The following MYOT variants were observed in gnomAD, a reference collection of about 807,000 sequenced individuals.
MYOT encodes the protein myotilin.
MYOT carries 36 observed loss-of-function variants against 58.0 expected under a neutral mutation model. The observed-to-expected ratio is 0.62, with a 90% CI of 0.48 to 0.82. MYOT has a LOEUF of 0.82. Ranked by LOEUF, MYOT falls within the 40% of genes least tolerant of loss-of-function variation. The pLI is 0.00. For synonymous variants in MYOT, 218 were observed against 204.6 expected (o/e 1.07, Z -0.56); for missense variants, 505 against 592.1 (o/e 0.85, Z 1.53).
chr5:137,885,704 G>A (rs373735332), intron 7 of MYOT, among the ~76,000 whole-genome samples: 24 of 148,726 alleles, frequency 1.6e-4, no homozygotes, highest in Admixed American at 4.1e-4. Context: ...CCTGGGAGGC[G>A]GAGGTTGCAG....
chr5:137,870,340 G>T (rs1755007219), intron 1 of MYOT, 101 bp from the exon 2 acceptor site: 3 of 418,226 alleles, frequency 7.2e-6, no homozygotes, highest in African/African-American at 2.1e-5. Flanking sequence ...AGGAAGGAAG[G>T]AAAGAAAGGA....
intron 2 of MYOT, among the ~76,000 whole-genome samples, chr5:137,871,493 G>C (rs1755048775): frequency 6.6e-6 from 1 of 151,954 alleles, no homozygotes; most frequent in African/African-American, 2.4e-5. Flanking sequence ...CTCTAATCCT[G>C]AATATCCACT....
chr5:137,872,287 G>C (rs916955037), intron 2 of MYOT, among the ~76,000 whole-genome samples: 1 of 151,810 alleles, frequency 6.6e-6, no homozygotes, highest in Non-Finnish European at 1.5e-5. Flanking sequence ...ATAATATATA[G>C]ATCTTTCTTG....
At chr5:137,877,381 A>T (rs1008211889) in intron 3 of MYOT, 139 bp from the exon 4 acceptor site, 3 of 562,166 alleles carry the variant, frequency 5.3e-6, no homozygotes. Context: ...AAAAAAAAAA[A>T]AAAAAAAAAA....
intron 7 of MYOT, among the ~76,000 whole-genome samples, chr5:137,884,392 T>C (rs1027239752): frequency 4.6e-5 from 7 of 152,168 alleles, no homozygotes; most frequent in African/African-American, 1.7e-4. Flanking sequence ...ATATCAACTT[T>C]TAGCCTTAGA....
chr5:137,886,988 G>A lies in MYOT; in HGVS notation c.1315G>A (p.Asp439Asn). ...AGVTTCNTRL[D>N]VTARPNQTLP... ...AGTGACTACATGTAACACAAGATTAGACGTTACGGGTATGTCATACTATTA... is the reference window on the plus strand; with the variant it reads ...AGTGACTACATGTAACACAAGATTAAACGTTACGGGTATGTCATACTATTA... Residue 439 changes from aspartate to asparagine, a missense_variant, in exon 9 of 10, where the codon GAC (aspartate) becomes AAC (asparagine). By Grantham distance (23) the Asp-to-Asn change is conservative (BLOSUM62 1). Coordinates refer to ENST00000239926, the MANE Select transcript of MYOT (RefSeq NM_006790.3). 1 of 1,613,448 alleles carries A rather than the reference G, an allele frequency of 6.2e-7. No homozygotes were observed. Among genetic ancestry groups the A allele is most frequent in the Non-Finnish European group, 8.5e-7 (1 of 1,179,386 alleles).
chr5:137,875,954 T>TGGAAAGAAAGCTGAAATGCAA lies in MYOT; in HGVS notation c.486_506dup (p.Glu162_Lys168dup). On this transcript the variant is annotated inframe_insertion, in exon 3 of 10. Coordinates refer to ENST00000239926, the MANE Select transcript of MYOT (RefSeq NM_006790.3). ...TCAAAAGAAGCTTTGATTCAAGATT[T>TGGAAAGAAAGCTGAAATGCAA]GGAAAGAAAGCTGAAATGCAAGGAC... is the stretch of plus-strand genomic sequence containing the variant. 2 of 1,614,078 alleles carry TGGAAAGAAAGCTGAAATGCAA rather than the reference T, an allele frequency of 1.2e-6. No homozygotes were observed. The highest frequency in any genetic ancestry group is 1.7e-6 in the Non-Finnish European group (2 of 1,179,988).
intron 5 of MYOT, among the ~76,000 whole-genome samples, chr5:137,881,567 G>C (rs886541649): frequency 6.6e-6 from 1 of 152,096 alleles, no homozygotes; most frequent in Admixed American, 6.5e-5. Flanking sequence ...GGGAGGCTGA[G>C]GTAAGAGAAT....
At chr5:137,874,039 T>A (rs1755131374) in intron 2 of MYOT, among the ~76,000 whole-genome samples, 1 of 152,170 alleles carries the variant, frequency 6.6e-6, no homozygotes, top group Non-Finnish European at 1.5e-5. Context: ...CTTGAGAATA[T>A]TTGGAAAGGA....
intron 1 of MYOT, 79 bp downstream of exon 1, chr5:137,868,032 G>C (rs1244561302): frequency 6.6e-6 from 1 of 151,860 alleles, no homozygotes; most frequent in Admixed American, 6.6e-5. Flanking sequence ...TGTATACAAA[G>C]ATGATTTTCA....
chr5:137,875,782 A>G, intron 2 of MYOT, 47 bp from the exon 3 acceptor site: 1 of 1,596,484 alleles, frequency 6.3e-7, no homozygotes, highest in Non-Finnish European at 8.6e-7. Flanking sequence ...TTGCAAAATG[A>G]GGCCAAGACC....
In MYOT at chr5:137,880,790, C is replaced by A. The variant is rs1266569886; in HGVS notation, c.634-26C>A. 12 of 1,590,298 alleles carry A rather than the reference C, an allele frequency of 7.5e-6. No individual in the cohort carries two copies. In the Admixed American group the frequency reaches 2.0e-4, roughly 27 times the overall value. On this transcript the variant is annotated intron_variant, in intron 4 of 9. Coordinates refer to ENST00000239926, the MANE Select transcript of MYOT (RefSeq NM_006790.3). Reference sequence around the variant, plus strand: ...ATTCAAGCTAACAATTGCATGTAAACATTCTTACTTTGTTTTAATTTCAAG... The same window carrying A: ...ATTCAAGCTAACAATTGCATGTAAAAATTCTTACTTTGTTTTAATTTCAAG...
intron 8 of MYOT, 70 bp downstream of exon 8, chr5:137,886,283 T>G: frequency 8.8e-7 from 1 of 1,141,412 alleles, no homozygotes; most frequent in Non-Finnish European, 1.3e-6. Context: ...TAACATGCAT[T>G]ATAAATGGCA....
rs915451656 is a variant in MYOT at position 137,883,425 on chromosome 5, T to C, written c.858T>C (p.Asn286=). ...CTCCTGATGTGTCATGGTATCTAAATGGAAGAACAGTTCAATCAGATGATT... is the reference window on the plus strand; with the variant it reads ...CTCCTGATGTGTCATGGTATCTAAACGGAAGAACAGTTCAATCAGATGATT... ...LPAPDVSWYL[N]GRTVQSDDLH... Residue 286 remains asparagine (N), a synonymous_variant, in exon 7 of 10, where the codon AAT becomes AAC. Transcript: ENST00000239926. The C allele has an allele frequency of 4.3e-6, 7 of 1,614,026 alleles. No homozygotes were observed. The highest frequency in any genetic ancestry group is 5.9e-6 in the Non-Finnish European group (7 of 1,180,040).
At chr5:137,879,924 G>C (rs1356479773) in intron 4 of MYOT, among the ~76,000 whole-genome samples, 2 of 152,140 alleles carry the variant, frequency 1.3e-5, no homozygotes, top group Admixed American at 6.5e-5. Flanking sequence ...TTGATATTTT[G>C]CTTAGAGAAC....
intron 2 of MYOT, among the ~76,000 whole-genome samples, chr5:137,872,115 G>C (rs1755069817): frequency 6.6e-6 from 1 of 152,108 alleles, no homozygotes; most frequent in Non-Finnish European, 1.5e-5. Flanking sequence ...AAAAACATTT[G>C]TTAGAATCCT....
intron 5 of MYOT, 107 bp downstream of exon 5, chr5:137,880,972 A>G: frequency 2.5e-6 from 2 of 804,408 alleles, no homozygotes; most frequent in Admixed American, 2.5e-5. Context: ...TACCTTTTGA[A>G]AAATACAATG....
At position 137,887,258 on chromosome 5, in the gene MYOT, G is replaced by T. The variant is rs755203621; in HGVS notation, c.1370G>T (p.Arg457Leu). ...CCAGCTCCTAAGCAGTTACGGGTTCGACCAACATTCAGCAAATATTTAGCA... is the reference window on the plus strand; with the variant it reads ...CCAGCTCCTAAGCAGTTACGGGTTCTACCAACATTCAGCAAATATTTAGCA... ...TLPAPKQLRVRPTFSKYLALN... is the reference protein window; with the variant it reads ...TLPAPKQLRVLPTFSKYLALN... Residue 457 changes from arginine (R) to leucine (L), a missense_variant, in exon 10 of 10, where the codon CGA becomes CTA. Coordinates refer to ENST00000239926, the MANE Select transcript of MYOT (RefSeq NM_006790.3). 6.2e-7 allele frequency: 1 copy of T among 1,613,888 alleles called. No individual in the cohort carries two copies. The highest frequency in any genetic ancestry group is 1.1e-5 in the South Asian group (1 of 91,022).
In MYOT at chr5:137,883,582, G is replaced by C. The variant is rs201903235; in HGVS notation, c.1015G>C (p.Asp339His). The change falls in exon 7 of 10, where the codon GAT becomes CAT. Residue 339 changes from aspartate to histidine, a missense_variant. Transcript: ENST00000239926. ...AGAAGCCACCTTCACTGTGCAGCTG[G>C]ATGTCCTTGGTAAGCCTCCAAAGAG... is the stretch of plus-strand genomic sequence containing the variant. ...AGEATFTVQL[D>H]VLAKEHKRAP... 6.2e-7 allele frequency: 1 copy of C among 1,614,026 alleles called. No homozygotes were observed. The highest frequency in any genetic ancestry group is 1.3e-5 in the African/African-American group (1 of 75,014).
Sources: gnomAD v4.1 joint callset for allele counts (sites outside exome capture counted in the v4.1 genomes callset) on GRCh38, gnomAD v4.1.1 for gene constraint, MANE v1.5 for transcripts, NCBI Gene and HGNC (gene_info 2026-07-23, HGNC 2026-07-21) for gene names.